Variants in CFAP58 observed in about 807,000 individuals in gnomAD.
CFAP58 encodes the protein cilia and flagella associated protein 58.
Under a neutral mutation model 119.5 loss-of-function variants are expected in CFAP58, and 88 were observed. That is an observed-to-expected ratio of 0.74 (90% CI 0.62 to 0.88). The LOEUF is 0.88. CFAP58 is among the 40% of genes least tolerant of loss of function. CFAP58 has a pLI of 0.00. For synonymous variants in CFAP58, 365 were observed against 366.3 expected, an observed-to-expected ratio of 1.00 and a Z score of 0.04; for missense variants, 990 against 1,021.2, an observed-to-expected ratio of 0.97 and a Z score of 0.42.
At chr10:104,393,141 C>A (rs10509770) in intron 10 of CFAP58, among the ~76,000 whole-genome samples, 188 bp from the exon 11 acceptor site, 7,312 of 152,042 alleles carry the variant, frequency 0.048, 395 homozygotes, top group African/African-American at 0.13. Flanking sequence ...GAATATTTTG[C>A]GAGTTAATAC....
At chr10:104,434,523 G>C (rs536774954) in intron 15 of CFAP58, among the ~76,000 whole-genome samples, 1 of 152,322 alleles carries the variant, frequency 6.6e-6, no homozygotes, top group Admixed American at 6.5e-5. Context: ...CATGCCATTA[G>C]GTTATCTATC....
chr10:104,344,040 G>C, the CFAP58 span, among the ~76,000 whole-genome samples: 1 of 152,152 alleles, frequency 6.6e-6, no homozygotes, highest in Non-Finnish European at 1.5e-5. Flanking sequence ...ACTATGCTTG[G>C]CTAGAAAATA....
intron 15 of CFAP58, among the ~76,000 whole-genome samples, chr10:104,428,968 A>G (rs1437545426): frequency 1.3e-5 from 2 of 152,224 alleles, no homozygotes; most frequent in African/African-American, 4.8e-5. Context: ...AGGTGTTCAC[A>G]AGAAATGGAC....
chr10:104,349,172 T>C (rs113262200), upstream of CFAP58, among the ~76,000 whole-genome samples: 366 of 152,224 alleles, frequency 2.4e-3, 3 homozygotes, highest in African/African-American at 7.7e-3. Context: ...CGCTTGAACC[T>C]GGGAGGCGGA....
intron 6 of CFAP58, among the ~76,000 whole-genome samples, chr10:104,369,926 A>T (rs2014800293): frequency 6.6e-6 from 1 of 152,224 alleles, no homozygotes; most frequent in South Asian, 2.1e-4. Context: ...TGAAGTCTTT[A>T]GACAAAAATC....
intron 17 of CFAP58, among the ~76,000 whole-genome samples, chr10:104,451,909 T>G (rs1223158154): frequency 6.6e-6 from 1 of 151,782 alleles, no homozygotes; most frequent in African/African-American, 2.4e-5. Flanking sequence ...TTTTTTTTTT[T>G]TGTATTTTTA....
At chr10:104,355,522 C>G (rs2014532456) in intron 1 of CFAP58, among the ~76,000 whole-genome samples, 3 of 152,192 alleles carry the variant, frequency 2.0e-5, no homozygotes, top group Admixed American at 2.0e-4. Flanking sequence ...TTTCACAATT[C>G]TCTATTTCCC....
intron 1 of CFAP58, among the ~76,000 whole-genome samples, chr10:104,357,939 A>T (rs921238226): frequency 8.3e-6 from 1 of 120,984 alleles, no homozygotes; most frequent in Non-Finnish European, 1.6e-5. Context: ...ATACACACAT[A>T]TATGTACACA....
intron 17 of CFAP58, among the ~76,000 whole-genome samples, chr10:104,454,183 G>A (rs2013239582): frequency 6.6e-6 from 1 of 152,148 alleles, no homozygotes; most frequent in African/African-American, 2.4e-5. Context: ...GAGTTATAAT[G>A]AGGTCTTCTG....
At chr10:104,436,076 T>A (rs148146281) in intron 15 of CFAP58, among the ~76,000 whole-genome samples, 3 of 152,286 alleles carry the variant, frequency 2.0e-5, no homozygotes, top group East Asian at 1.9e-4. Context: ...AACCTCTTTT[T>A]TCCCCCCAGG....
At chr10:104,343,077 A>G in the CFAP58 span, among the ~76,000 whole-genome samples, 1 of 152,190 alleles carries the variant, frequency 6.6e-6, no homozygotes, top group East Asian at 1.9e-4. Context: ...GATGGAGGGG[A>G]AAAAAGGGCA....
intron 13 of CFAP58, 132 bp from the exon 14 acceptor site, chr10:104,403,597 C>T (rs1589923720): frequency 2.3e-5 from 10 of 439,448 alleles, no homozygotes; most frequent in Middle Eastern, 6.3e-4. Flanking sequence ...GGAGGCTGGT[C>T]CCTGTGTTCA....
chr10:104,363,329 A>C (rs1314865502), intron 3 of CFAP58, among the ~76,000 whole-genome samples: 1 of 152,234 alleles, frequency 6.6e-6, no homozygotes, highest in Non-Finnish European at 1.5e-5. Flanking sequence ...ATCAGGAATG[A>C]ACATACACTT....
intron 15 of CFAP58, among the ~76,000 whole-genome samples, chr10:104,433,706 G>C (rs1483254887): frequency 6.6e-6 from 1 of 152,198 alleles, no homozygotes; most frequent in African/African-American, 2.4e-5. Flanking sequence ...CGAATTACTT[G>C]GGGTTATTTC....
intron 3 of CFAP58, among the ~76,000 whole-genome samples, chr10:104,364,470 ACT>A (rs1203880842): frequency 1.5e-5 from 2 of 136,904 alleles, no homozygotes; most frequent in Non-Finnish European, 3.2e-5. Context: ...ACACACACAC[ACT>A]CTCACACGCA....
intron 9 of CFAP58, 115 bp from the exon 10 acceptor site, chr10:104,392,118 T>C (rs1045415891): frequency 1.2e-6 from 1 of 862,876 alleles, no homozygotes; most frequent in African/African-American, 1.7e-5. Flanking sequence ...ACTGTCAGAT[T>C]TTCTGATTAC....
chr10:104,351,062 C>T (rs1439635932), upstream of CFAP58, among the ~76,000 whole-genome samples: 1 of 152,144 alleles, frequency 6.6e-6, no homozygotes, highest in African/African-American at 2.4e-5. Context: ...TCCTACAAAC[C>T]GATGGTCCCA....
chr10:104,418,927 CT>C (rs2012597829), intron 15 of CFAP58, among the ~76,000 whole-genome samples: 2 of 152,138 alleles, frequency 1.3e-5, no homozygotes, highest in South Asian at 4.1e-4. Context: ...GAACAGAAGC[CT>C]GTCTGTGGGT....
chr10:104,373,395 A>G (rs1429755374), intron 7 of CFAP58, among the ~76,000 whole-genome samples: 1 of 152,224 alleles, frequency 6.6e-6, no homozygotes, highest in East Asian at 1.9e-4. Context: ...GCACTTTGGG[A>G]GGCTGAGACA....
Sources: gnomAD v4.1 joint callset for allele counts (sites outside exome capture counted in the v4.1 genomes callset) on GRCh38, gnomAD v4.1.1 for gene constraint, MANE v1.5 for transcripts, NCBI Gene and HGNC (gene_info 2026-07-23, HGNC 2026-07-21) for gene names.